The following CHST1 variants were observed in gnomAD, a reference collection of about 807,000 sequenced individuals.
CHST1 encodes Keratan sulfotransferase.
CHST1 carries 10 observed loss-of-function variants against 22.5 expected under a neutral mutation model. The ratio of observed to expected loss-of-function variants is 0.44; its 90% confidence interval spans 0.27 to 0.75. The LOEUF (loss-of-function observed/expected upper bound fraction) is 0.75, where lower values mean the gene tolerates loss of function less well. CHST1 is among the 30% of genes least tolerant of loss of function. The pLI is 0.15. For missense variants in CHST1, 439 were observed against 576.1 expected, an observed-to-expected ratio of 0.76 and a Z score of 2.44; for synonymous variants, 267 against 264.5, an observed-to-expected ratio of 1.01 and a Z score of -0.09.
chr11:45,664,908 G>A (rs952139650), intron 1 of CHST1, among the ~76,000 whole-genome samples: 20 of 152,290 alleles, frequency 1.3e-4, no homozygotes, highest in African/African-American at 4.6e-4. Flanking sequence ...AGCGCCTCGG[G>A]GGCCACCGCG....
At chr11:45,664,611 C>T (rs879291237) in intron 1 of CHST1, among the ~76,000 whole-genome samples, 3 of 152,236 alleles carry the variant, frequency 2.0e-5, no homozygotes, top group Admixed American at 2.0e-4. Flanking sequence ...CAGAGAAGAG[C>T]GGGAGGGTTG....
Position 45,648,720 on chromosome 11 carries a change from A to G in CHST1, c.*968T>C, listed in dbSNP as rs1851949231. On this transcript the variant is annotated 3_prime_UTR_variant, in exon 4 of 4. Transcript: ENST00000308064. ...CAAAACAAAACAAAAACCTAAACTA[A>G]ACTCAGTGTTGAGGGTGACAAGAGT... is the stretch of plus-strand genomic sequence containing the variant. Among the ~76,000 whole-genome samples the G allele has an allele frequency of 6.6e-6, 1 of 151,884 alleles. No individual in the cohort carries two copies. Among genetic ancestry groups the G allele is most frequent in the Non-Finnish European group, 1.5e-5 (1 of 67,960 alleles).
rs540859853 is a variant in CHST1, at chr11:45,658,993, C to A, written c.-227+6185G>T. ...ATCCAGGAGTCTCCAGCCTGGGCCA[C>A]CTGCACATTAAGCCTGGCTGGCCCC... On this transcript the variant is annotated intron_variant, in intron 1 of 3. Transcript: ENST00000308064. Among the ~76,000 whole-genome samples, 6 of 152,354 alleles carry A rather than the reference C, an allele frequency of 3.9e-5. No homozygotes were observed. The East Asian group carries it at 1.2e-3, about 29-fold the overall frequency.
At position 45,647,874 on chromosome 11, in the gene CHST1, CAT is replaced by C. The variant is rs891915974; in HGVS notation, c.*1812_*1813del. On this transcript the variant is annotated 3_prime_UTR_variant, in exon 4 of 4. Coordinates refer to ENST00000308064, the MANE Select transcript of CHST1 (RefSeq NM_003654.6). ...TTGAACTGTCTACATCCTCCTGACA[CAT>C]ATAAAATAGCCCAGGACTGTGTTTC... is the stretch of plus-strand genomic sequence containing the variant. Among the ~76,000 whole-genome samples, 14 of 152,328 alleles carry C rather than the reference CAT, an allele frequency of 9.2e-5. No homozygotes were observed. Among genetic ancestry groups the C allele is most frequent in the African/African-American group, 3.1e-4 (13 of 41,562 alleles).
At position 45,650,425 on chromosome 11, in the gene CHST1, C is replaced by A. The variant is rs1446720680; in HGVS notation, c.499G>T (p.Asp167Tyr). 1 of 1,608,614 alleles carries A rather than the reference C, an allele frequency of 6.2e-7. No individual in the cohort carries two copies. Among genetic ancestry groups the A allele is most frequent in the Non-Finnish European group, 8.5e-7 (1 of 1,179,766 alleles). The change falls in exon 4 of 4, where the codon GAC becomes TAC. Residue 167 changes from aspartate (D) to tyrosine (Y), a missense_variant. Coordinates refer to ENST00000308064, the MANE Select transcript of CHST1 (RefSeq NM_003654.6). ...SRVLCSRPVC[D>Y]PPGPADLVLE... is the part of the protein sequence containing the mutation. The stretch of plus-strand genomic sequence containing the variant: ...ACCAGGTCGGCTGGCCCCGGAGGGT[C>A]GCACACAGGCCGGGAGCAGAGGACC...
rs1206356069 is a variant in CHST1 at position 45,652,566 on chromosome 11, A to C, written c.-186T>G. ...GGCGCCTCCGGGAATGCAGCTGGGG[A>C]GAAAGTCTTCTTCCAACCACACCGA... is the stretch of plus-strand genomic sequence containing the variant. On this transcript the variant is annotated 5_prime_UTR_variant, in exon 2 of 4. Coordinates refer to ENST00000308064, the MANE Select transcript of CHST1 (RefSeq NM_003654.6). 4 of 152,236 alleles carry C rather than the reference A, an allele frequency of 2.6e-5. No homozygotes were observed. Among genetic ancestry groups the C allele is most frequent in the Non-Finnish European group, 5.9e-5 (4 of 68,076 alleles). The allele number at this position is 152,236 out of a possible 1,614,324, so 9.4% of individuals were successfully genotyped here. A position where few individuals can be genotyped will look rare whatever the true frequency, so the allele number is the denominator to read the frequency against.
At chr11:45,657,480 G>A (rs910534652) in intron 1 of CHST1, among the ~76,000 whole-genome samples, 2 of 152,248 alleles carry the variant, frequency 1.3e-5, no homozygotes, top group Non-Finnish European at 2.9e-5. Flanking sequence ...ATCCACTCAA[G>A]AGATGTCCAG....
chr11:45,650,631 T>C lies in CHST1; in HGVS notation c.293A>G (p.Asn98Ser), dbSNP rs766456354. The change falls in exon 4 of 4, where the codon AAC (asparagine) becomes AGC (serine). Residue 98 changes from asparagine to serine, a missense_variant. Physicochemically the swap from Asn to Ser is conservative, Grantham distance 46 (BLOSUM62 1). Transcript: ENST00000308064. ...CTGGGTGAAGCGGGGGATGAGCGTGTTCTGGACGTGGTAGAGGGGCTCAAA... is the reference window on the plus strand; with the variant it reads ...CTGGGTGAAGCGGGGGATGAGCGTGCTCTGGACGTGGTAGAGGGGCTCAAA... ...YLFEPLYHVQ[N>S]TLIPRFTQGK... The C allele has an allele frequency of 6.2e-7, 1 of 1,614,116 alleles. No individual in the cohort carries two copies. The highest frequency in any genetic ancestry group is 8.5e-7 in the Non-Finnish European group (1 of 1,179,990).
chr11:45,652,662 TAG>T (rs1564997569), intron 1 of CHST1, 56 bp from the exon 2 acceptor site: 1 of 152,214 alleles, frequency 6.6e-6, no homozygotes, highest in Non-Finnish European at 1.5e-5. Flanking sequence ...ATGCACCTCA[TAG>T]AGTCTGAATT....
intron 1 of CHST1, among the ~76,000 whole-genome samples, chr11:45,657,802 C>G (rs1453746244): frequency 6.6e-6 from 1 of 152,182 alleles, no homozygotes; most frequent in East Asian, 1.9e-4. Flanking sequence ...GGTCTATGGA[C>G]CCTCTCTCCA....
In CHST1 at chr11:45,665,335, CCTCCTCT is replaced by C. The variant is rs1852186348; in HGVS notation, c.-391_-385del. 1 of 151,800 alleles carries C rather than the reference CCTCCTCT, an allele frequency of 6.6e-6. No individual in the cohort carries two copies. The highest frequency in any genetic ancestry group is 2.4e-5 in the African/African-American group (1 of 41,348). 9.4% of individuals were successfully genotyped at this position (151,800 alleles called of 1,614,324 possible). The stretch of plus-strand genomic sequence containing the variant: ...GCCCTCCTCCTCGGCCTCCCTCCTC[CCTCCTCT>C]TCCTCCGACTCCGCGCGCGCCTCAC... On this transcript the variant is annotated 5_prime_UTR_variant, in exon 1 of 4. Transcript: ENST00000308064. This position sits in a 1 kb window ranked among gnomAD's most constrained non-coding sequence, Gnocchi z 4.0.
intron 1 of CHST1, among the ~76,000 whole-genome samples, chr11:45,654,689 A>G (rs531263501): frequency 6.6e-6 from 1 of 152,250 alleles, no homozygotes; most frequent in Non-Finnish European, 1.5e-5. Flanking sequence ...GCCTCCCTCT[A>G]CCTCTGCTTA....
chr11:45,649,921 T>G lies in CHST1; in HGVS notation c.1003A>C (p.Asn335His), dbSNP rs1851968621. 6.2e-7 allele frequency: 1 copy of G among 1,612,878 alleles called. No individual in the cohort carries two copies. Among genetic ancestry groups the G allele is most frequent in the Non-Finnish European group, 8.5e-7 (1 of 1,180,008 alleles). The change falls in exon 4 of 4, where the codon AAC (asparagine) becomes CAC (histidine). Residue 335 changes from asparagine (N) to histidine (H), a missense_variant. Coordinates refer to ENST00000308064, the MANE Select transcript of CHST1 (RefSeq NM_003654.6). Reference sequence around the variant, plus strand: ...CCCAGGGTGGGGTCGCCCCGCGTGTTGTTCTGGATCCAGCGGGCCACGTGG... The same window carrying G: ...CCCAGGGTGGGGTCGCCCCGCGTGTGGTTCTGGATCCAGCGGGCCACGTGG... ...DSHVARWIQN[N>H]TRGDPTLGKH...
At chr11:45,652,308 G>A (rs1371073531) in intron 2 of CHST1, among the ~76,000 whole-genome samples, 2 of 152,190 alleles carry the variant, frequency 1.3e-5, no homozygotes, top group African/African-American at 2.4e-5. Flanking sequence ...GTCCTGGACT[G>A]TATCCCACTC....
chr11:45,650,314 C>T lies in CHST1; in HGVS notation c.610G>A (p.Ala204Thr). 2 of 1,604,802 alleles carry T rather than the reference C, an allele frequency of 1.2e-6. No homozygotes were observed. The highest frequency in any genetic ancestry group is 8.5e-7 in the Non-Finnish European group (1 of 1,179,710). ...AEACRERSHV[A>T]IKTVRVPEVN... ...TCGGGCACGCGCACCGTCTTGATGG[C>T]CACGTGGCTGCGCTCGCGGCACGCC... Residue 204 changes from alanine to threonine, a missense_variant, in exon 4 of 4, where the codon GCC becomes ACC. Transcript: ENST00000308064.
In CHST1 at chr11:45,655,284, T is replaced by C. The variant is rs186425089; in HGVS notation, c.-226-2678A>G. ...AATATCATCATCACCAAATGTCTGG[T>C]TTGCTTTTTGTCTCAGGAAAGGGCC... On this transcript the variant is annotated intron_variant, in intron 1 of 3. Transcript: ENST00000308064. Among the ~76,000 whole-genome samples the C allele has an allele frequency of 3.3e-4, 50 of 152,344 alleles. No individual in the cohort carries two copies. In the East Asian group the frequency reaches 6.9e-3, roughly 21 times the overall value.
chr11:45,657,606 C>T (rs1180023806), intron 1 of CHST1, among the ~76,000 whole-genome samples: 2 of 152,186 alleles, frequency 1.3e-5, no homozygotes, highest in African/African-American at 2.4e-5. Flanking sequence ...AATCCAAAGA[C>T]GAGTTTCATG....
intron 1 of CHST1, among the ~76,000 whole-genome samples, chr11:45,660,961 C>T (rs1354394318): frequency 4.6e-5 from 7 of 152,236 alleles, no homozygotes; most frequent in African/African-American, 7.2e-5. Context: ...GAGGGAATCT[C>T]TAAACATTTA....
chr11:45,663,700 G>A (rs867555157), intron 1 of CHST1, among the ~76,000 whole-genome samples: 34 of 151,632 alleles, frequency 2.2e-4, no homozygotes, highest in African/African-American at 8.0e-4. Context: ...GAAGCATCCT[G>A]GCCTAGGGCT....
Sources: allele counts gnomAD v4.1 joint callset (sites outside exome capture counted in the v4.1 genomes callset), GRCh38; gene constraint gnomAD v4.1.1; non-coding constraint Gnocchi (gnomAD v3.1); transcripts MANE v1.5; gene names NCBI Gene and HGNC (gene_info 2026-07-23, HGNC 2026-07-21).